COBL: variants seen among roughly 807,000 people sequenced by gnomAD.
COBL encodes cordon-bleu WH2 repeat protein, also known as protein cordon-bleu.
In COBL, 51 loss-of-function variants were observed where a neutral mutation model predicts 98.8. The observed-to-expected ratio is 0.52, with a 90% CI of 0.41 to 0.65. The LOEUF (loss-of-function observed/expected upper bound fraction) is 0.65. COBL is among the 30% of genes least tolerant of loss of function. The pLI, the probability that COBL is intolerant of heterozygous loss-of-function variation, is 0.00. For synonymous variants in COBL, 634 were observed against 651.7 expected, an observed-to-expected ratio of 0.97 and a Z score of 0.41; for missense variants, 1,617 against 1,617.5, an observed-to-expected ratio of 1.00 and a Z score of 0.01.
At chr7:51,240,627 A>G (rs1584278802) in intron 1 of COBL, among the ~76,000 whole-genome samples, 1 of 151,914 alleles carries the variant, frequency 6.6e-6, no homozygotes, top group Non-Finnish European at 1.5e-5. Context: ...GCTCACTACA[A>G]CCTCCACCTC....
intron 1 of COBL, among the ~76,000 whole-genome samples, chr7:51,220,201 A>G (rs1168118600): frequency 6.6e-6 from 1 of 152,220 alleles, no homozygotes; most frequent in East Asian, 1.9e-4. Flanking sequence ...ACAAGCCTGT[A>G]TTCACAGGAT....
At chr7:51,297,639 C>T (rs566303198) in intron 1 of COBL, among the ~76,000 whole-genome samples, 18 of 151,924 alleles carry the variant, frequency 1.2e-4, no homozygotes, top group Non-Finnish European at 2.1e-4. Flanking sequence ...GTGATCTGCC[C>T]GCCTCAGCCT....
chr7:51,303,431 C>T (rs1218391718), intron 1 of COBL, among the ~76,000 whole-genome samples: 1 of 152,138 alleles, frequency 6.6e-6, no homozygotes, highest in African/African-American at 2.4e-5. Context: ...GCGCACCTGA[C>T]TTGACCATGC....
intron 1 of COBL, among the ~76,000 whole-genome samples, chr7:51,296,347 CAG>C (rs1801416563): frequency 6.6e-6 from 1 of 152,110 alleles, no homozygotes; most frequent in Non-Finnish European, 1.5e-5. Flanking sequence ...TATGACAACA[CAG>C]AGACAATCAT....
chr7:51,294,295 CATAA>C (rs201170093), intron 1 of COBL, among the ~76,000 whole-genome samples: 104,592 of 138,734 alleles, frequency 0.75, 41,389 homozygotes, highest in Non-Finnish European at 0.89. Context: ...CATCTCAAAA[CATAA>C]ATAAATAAAT....
intron 7 of COBL, among the ~76,000 whole-genome samples, chr7:51,052,255 A>G (rs546355838): frequency 7.9e-5 from 12 of 152,208 alleles, no homozygotes; most frequent in Non-Finnish European, 1.8e-4. Flanking sequence ...CTCAGCTTAT[A>G]AAAAGGGCAA....
chr7:51,292,415 C>G (rs1456143861), intron 1 of COBL, among the ~76,000 whole-genome samples: 1 of 152,166 alleles, frequency 6.6e-6, no homozygotes, highest in Non-Finnish European at 1.5e-5. Flanking sequence ...AGAATGAGTA[C>G]TATTTAAATA....
rs778189572 is a variant in COBL, at chr7:51,029,331, G to A, written c.1765C>T (p.Pro589Ser). The A allele has an allele frequency of 1.9e-6, 3 of 1,602,290 alleles. No individual in the cohort carries two copies. Among genetic ancestry groups the A allele is most frequent in the Non-Finnish European group, 1.7e-6 (2 of 1,173,116 alleles). ...LAPLQAEHSQ[P>S]HEKAREEVPA... ...ACTTCCTCCCTTGCCTTTTCATGGGGCTGGCTGTGCTCAGCTTGAAGTGGC... is the reference window on the plus strand; with the variant it reads ...ACTTCCTCCCTTGCCTTTTCATGGGACTGGCTGTGCTCAGCTTGAAGTGGC... The change falls in exon 10 of 13, where the codon CCC becomes TCC. Residue 589 changes from proline (P) to serine (S), a missense_variant. Coordinates refer to ENST00000265136, the MANE Select transcript of COBL (RefSeq NM_015198.5).
intron 5 of COBL, among the ~76,000 whole-genome samples, chr7:51,151,352 T>G (rs1023946947): frequency 6.6e-6 from 1 of 152,150 alleles, no homozygotes; most frequent in Non-Finnish European, 1.5e-5. Context: ...TGAGTTCCCG[T>G]GCCCTGGGAT....
chr7:51,138,182 G>A (rs567697309), intron 5 of COBL, among the ~76,000 whole-genome samples: 6 of 152,250 alleles, frequency 3.9e-5, no homozygotes, highest in South Asian at 4.2e-4. Context: ...AACAGGTGAC[G>A]GTGATATAAC....
intron 6 of COBL, among the ~76,000 whole-genome samples, chr7:51,102,233 C>T (rs930882045): frequency 3.9e-5 from 6 of 152,104 alleles, no homozygotes; most frequent in African/African-American, 1.4e-4. Flanking sequence ...TTTTAAATGC[C>T]TCCCGTCTGG....
intron 1 of COBL, among the ~76,000 whole-genome samples, chr7:51,270,885 GT>G (rs2129163356): frequency 6.6e-6 from 1 of 152,148 alleles, no homozygotes; most frequent in South Asian, 2.1e-4. Context: ...AAGTATGTAT[GT>G]TTGTTCCTGG....
intron 2 of COBL, among the ~76,000 whole-genome samples, chr7:51,214,413 G>A (rs1195054700): frequency 6.6e-6 from 1 of 152,210 alleles, no homozygotes; most frequent in African/African-American, 2.4e-5. Context: ...CAGATGGGAT[G>A]TGTTACCTGG....
chr7:51,106,149 A>G lies in COBL; in HGVS notation c.958-20845T>C, dbSNP rs964093251. Among the ~76,000 whole-genome samples, 3 of 144,128 alleles carry G rather than the reference A, an allele frequency of 2.1e-5. 1 individual carries two copies. The highest frequency in any genetic ancestry group is 1.5e-4 in the Admixed American group (2 of 13,750). The allele number at this position is 144,128 out of a possible 152,430, so 94.6% of individuals were successfully genotyped here. A position where few individuals can be genotyped will look rare whatever the true frequency, so the allele number is the denominator to read the frequency against. ...AACCAGGGTGGTGGAGGTTGCAGTG[A>G]GCCGAGATCGTGCCATCGCACTCCA... On this transcript the variant is annotated intron_variant, in intron 6 of 12. Coordinates refer to ENST00000265136, the MANE Select transcript of COBL (RefSeq NM_015198.5).
intron 7 of COBL, among the ~76,000 whole-genome samples, chr7:51,063,430 C>T (rs1292553612): frequency 2.6e-5 from 4 of 152,228 alleles, no homozygotes; most frequent in African/African-American, 4.8e-5. Context: ...CCACTGTGCC[C>T]GGCCTAACAT....
At chr7:51,074,408 A>T (rs1435698427) in intron 7 of COBL, among the ~76,000 whole-genome samples, 1 of 151,932 alleles carries the variant, frequency 6.6e-6, no homozygotes, top group African/African-American at 2.4e-5. Flanking sequence ...ATTGGCCAGG[A>T]TGGTCTCGAT....
intron 6 of COBL, among the ~76,000 whole-genome samples, chr7:51,104,200 G>T (rs1796054391): frequency 6.6e-6 from 1 of 152,130 alleles, no homozygotes; most frequent in South Asian, 2.1e-4. Context: ...GACACCAGGA[G>T]GCTAACATTT....
At chr7:51,153,811 T>C (rs1476976068) in intron 5 of COBL, among the ~76,000 whole-genome samples, 1 of 152,192 alleles carries the variant, frequency 6.6e-6, no homozygotes, top group Non-Finnish European at 1.5e-5. Flanking sequence ...GTGATTCCAA[T>C]ATCAGTGCTG....
intron 5 of COBL, among the ~76,000 whole-genome samples, chr7:51,161,950 A>C (rs1369913011): frequency 3.3e-5 from 5 of 152,202 alleles, no homozygotes; most frequent in East Asian, 3.8e-4. Flanking sequence ...CTGATATAAT[A>C]ATTTCTTTTC....
Sources: gnomAD v4.1 joint callset for allele counts (sites outside exome capture counted in the v4.1 genomes callset) on GRCh38, gnomAD v4.1.1 for gene constraint, MANE v1.5 for transcripts, NCBI Gene and HGNC (gene_info 2026-07-23, HGNC 2026-07-21) for gene names.